DAB1: variants seen among roughly 807,000 people sequenced by gnomAD.
The protein encoded by DAB1 is disabled homolog 1.
Under a neutral mutation model 64.6 loss-of-function variants are expected in DAB1, and 15 were observed. The observed-to-expected ratio is 0.23, with a 90% CI of 0.16 to 0.36. The LOEUF (loss-of-function observed/expected upper bound fraction) is 0.36, where lower values mean the gene tolerates loss of function less well. DAB1 is among the 10% of genes least tolerant of loss of function. The pLI is 1.00. For missense variants in DAB1, 596 were observed against 706.7 expected (o/e 0.84, Z 1.78); for synonymous variants, 235 against 251.9 (o/e 0.93, Z 0.64).
Position 58,302,484 on chromosome 1 carries a change from T to A in DAB1, n.309+40868A>T, listed in dbSNP as rs140042552. Among the ~76,000 whole-genome samples the A allele has an allele frequency of 9.8e-3, 1,496 of 152,126 alleles. 12 individuals carry two copies. Among genetic ancestry groups the A allele is most frequent in the Non-Finnish European group, 0.015 (1,028 of 67,966 alleles). ...CTCATGCAATTTTTCTTTCCATGGGTGGAAAAAATCAATTACAGTGTAAAA... is the reference window on the plus strand; with the variant it reads ...CTCATGCAATTTTTCTTTCCATGGGAGGAAAAAATCAATTACAGTGTAAAA... On this transcript the variant is annotated intron_variant and non_coding_transcript_variant, in intron 4 of 20. Coordinates refer to the DAB1 transcript ENST00000485760.
intron 6 of DAB1, among the ~76,000 whole-genome samples, chr1:57,681,880 T>C (rs2101698854): frequency 6.6e-6 from 1 of 152,214 alleles, no homozygotes; most frequent in East Asian, 1.9e-4. Context: ...GAAGAGTCAG[T>C]CAGCCCCATG....
At chr1:58,447,287 T>G (rs778872162) in intron 3 of DAB1, among the ~76,000 whole-genome samples, 9 of 152,178 alleles carry the variant, frequency 5.9e-5, no homozygotes, top group Non-Finnish European at 1.2e-4. Context: ...AATGGCGCAT[T>G]TCAAAGTACA....
Position 57,671,052 on chromosome 1 carries a change from A to G in DAB1, n.552-21387T>C, listed in dbSNP as rs1646504744. 2.0e-5 allele frequency among the ~76,000 whole-genome samples: 3 copies of G among 152,294 alleles called. No individual in the cohort carries two copies. The South Asian group carries it at 6.2e-4, about 32-fold the overall frequency. On this transcript the variant is annotated intron_variant and non_coding_transcript_variant, in intron 6 of 20. Transcript: ENST00000485760. ...ATGGATTCAACATAGTACTCAGCACATGACAAATTCAAGTTTTGCTTTTTG... is the reference window on the plus strand; with the variant it reads ...ATGGATTCAACATAGTACTCAGCACGTGACAAATTCAAGTTTTGCTTTTTG...
At chr1:57,355,542 G>T (rs1679024798) in intron 1 of DAB1, among the ~76,000 whole-genome samples, 1 of 152,144 alleles carries the variant, frequency 6.6e-6, no homozygotes, top group Non-Finnish European at 1.5e-5. Flanking sequence ...TGGGGATAGA[G>T]TGGAGTTGGG....
At chr1:58,477,562 C>T (rs750203077) in intron 3 of DAB1, among the ~76,000 whole-genome samples, 1 of 152,036 alleles carries the variant, frequency 6.6e-6, no homozygotes, top group Non-Finnish European at 1.5e-5. Context: ...CCATCCCCTG[C>T]CATGGTGATT....
At chr1:57,964,864 G>C (rs1645616138) in intron 5 of DAB1, among the ~76,000 whole-genome samples, 2 of 152,126 alleles carry the variant, frequency 1.3e-5, no homozygotes, top group Admixed American at 1.3e-4. Flanking sequence ...GGGGAAGATA[G>C]GCATGTAAAC....
chr1:57,236,012 T>C (rs116162264), intron 2 of DAB1, among the ~76,000 whole-genome samples: 1,700 of 152,318 alleles, frequency 0.011, 31 homozygotes, highest in African/African-American at 0.039. Flanking sequence ...TTGGGGGTGG[T>C]ACCCTGATAT....
At chr1:57,644,398 T>C (rs1029201215) in intron 7 of DAB1, among the ~76,000 whole-genome samples, 1 of 152,108 alleles carries the variant, frequency 6.6e-6, no homozygotes, top group African/African-American at 2.4e-5. Context: ...AAGGGAGTCA[T>C]AGAGGGAAGC....
intron 5 of DAB1, among the ~76,000 whole-genome samples, chr1:58,040,052 T>C (rs1647111359): frequency 6.6e-6 from 1 of 152,166 alleles, no homozygotes. Context: ...GAGGAATGAT[T>C]GCATATTCAT....
chr1:58,303,708 G>A (rs1268901088), intron 4 of DAB1, among the ~76,000 whole-genome samples: 1 of 152,160 alleles, frequency 6.6e-6, no homozygotes, highest in African/African-American at 2.4e-5. Flanking sequence ...ATAAGGAGAA[G>A]AGGAAACAAG....
intron 4 of DAB1, among the ~76,000 whole-genome samples, chr1:57,097,366 G>A (rs1201205611): frequency 6.6e-6 from 1 of 152,200 alleles, no homozygotes; most frequent in African/African-American, 2.4e-5. Context: ...CTGAGCCCGA[G>A]CTGATGGATG....
chr1:57,902,790 G>T (rs892312947), intron 5 of DAB1, among the ~76,000 whole-genome samples: 1 of 152,118 alleles, frequency 6.6e-6, no homozygotes, highest in Non-Finnish European at 1.5e-5. Flanking sequence ...GTTTTCTGTG[G>T]AGTGCAATTT....
rs192327192 is a variant in DAB1, at chr1:57,960,964, A to C, written n.388-76802T>G. On this transcript the variant is annotated intron_variant and non_coding_transcript_variant, in intron 5 of 20. Coordinates refer to the DAB1 transcript ENST00000485760. ...TGGAGCAGGCCTGGAGGAGCTGGAC[A>C]GATTAGAGACCAAATTCCAGCTCAG... Among the ~76,000 whole-genome samples, 35 of 152,364 alleles carry C rather than the reference A, an allele frequency of 2.3e-4. No individual in the cohort carries two copies. In the East Asian group the frequency reaches 5.6e-3, roughly 24 times the overall value.
At chr1:58,496,010 T>A (rs932637393) in intron 3 of DAB1, among the ~76,000 whole-genome samples, 3 of 152,116 alleles carry the variant, frequency 2.0e-5, no homozygotes, top group Non-Finnish European at 4.4e-5. Context: ...ACTCTGGGAA[T>A]CTCCTAAAAA....
chr1:57,338,121 A>G (rs1388601198), intron 1 of DAB1, among the ~76,000 whole-genome samples: 1 of 151,944 alleles, frequency 6.6e-6, no homozygotes. Context: ...AGTAGCTGGG[A>G]CTATAGGCAC....
At chr1:57,586,771 T>C (rs1157121887) in intron 7 of DAB1, among the ~76,000 whole-genome samples, 1 of 149,566 alleles carries the variant, frequency 6.7e-6, no homozygotes, top group Non-Finnish European at 1.5e-5. Flanking sequence ...GGATGTTCAG[T>C]CCTTCCTTGA....
intron 6 of DAB1, among the ~76,000 whole-genome samples, chr1:57,705,842 T>A (rs1478076577): frequency 6.6e-6 from 1 of 151,396 alleles, no homozygotes; most frequent in Non-Finnish European, 1.5e-5. Flanking sequence ...TTAATACGTA[T>A]CTTTGGACTA....
chr1:57,230,987 A>G (rs1667634146), intron 2 of DAB1, among the ~76,000 whole-genome samples: 2 of 152,114 alleles, frequency 1.3e-5, no homozygotes, highest in South Asian at 4.1e-4. Context: ...CTTGTCACAT[A>G]TTGAAGATGA....
At chr1:57,475,238 C>A (rs1643921538) in intron 7 of DAB1, among the ~76,000 whole-genome samples, 1 of 152,142 alleles carries the variant, frequency 6.6e-6, no homozygotes, top group South Asian at 2.1e-4. Context: ...TATCATGCCA[C>A]TGCACCCCAG....
Sources: allele counts gnomAD v4.1 joint callset (sites outside exome capture counted in the v4.1 genomes callset), GRCh38; gene constraint gnomAD v4.1.1; transcripts MANE v1.5; gene names NCBI Gene and HGNC (gene_info 2026-07-23, HGNC 2026-07-21).